ANKRD55: variants seen among roughly 807,000 people sequenced by gnomAD.
The protein encoded by ANKRD55 is ankyrin repeat domain 55, also known as ankyrin repeat domain-containing protein 55.
In ANKRD55, 41 loss-of-function variants were observed where a neutral mutation model predicts 60.6. The ratio of observed to expected loss-of-function variants is 0.68; its 90% CI spans 0.53 to 0.88. ANKRD55 has a LOEUF of 0.88. ANKRD55 is among the 40% of genes least tolerant of loss of function. ANKRD55 has a pLI of 0.00. For synonymous variants in ANKRD55, 264 were observed against 290.3 expected (o/e 0.91, Z 0.92); for missense variants, 732 against 767.6 (o/e 0.95, Z 0.55).
At chr5:56,181,139 G>A (rs1470102326) in intron 3 of ANKRD55, among the ~76,000 whole-genome samples, 2 of 152,200 alleles carry the variant, frequency 1.3e-5, no homozygotes, top group Non-Finnish European at 2.9e-5. Flanking sequence ...GGAGGTTGCA[G>A]TGAGCCAAGA....
At chr5:56,186,652 A>G (rs1175696808) in intron 2 of ANKRD55, among the ~76,000 whole-genome samples, 1 of 152,224 alleles carries the variant, frequency 6.6e-6, no homozygotes, top group Non-Finnish European at 1.5e-5. Flanking sequence ...GTGCGTTTAG[A>G]AAGCATTAGA....
chr5:56,174,891 A>G (rs1758705381), intron 4 of ANKRD55, among the ~76,000 whole-genome samples: 2 of 151,744 alleles, frequency 1.3e-5, no homozygotes, highest in South Asian at 2.1e-4. Context: ...GACTCCCCCA[A>G]CACCAACTAC....
chr5:56,128,161 G>A (rs1438982606), intron 7 of ANKRD55, among the ~76,000 whole-genome samples: 1 of 152,152 alleles, frequency 6.6e-6, no homozygotes, highest in Non-Finnish European at 1.5e-5. Flanking sequence ...AAGGAAAATA[G>A]AAGCAAAAAG....
intron 2 of ANKRD55, among the ~76,000 whole-genome samples, chr5:56,200,223 G>C (rs1759332863): frequency 6.6e-6 from 1 of 151,916 alleles, no homozygotes; most frequent in Non-Finnish European, 1.5e-5. Flanking sequence ...CTATAACTAA[G>C]AAAGCAAGTC....
intron 7 of ANKRD55, among the ~76,000 whole-genome samples, chr5:56,132,950 A>T (rs921914977): frequency 6.6e-6 from 1 of 152,238 alleles, no homozygotes; most frequent in African/African-American, 2.4e-5. Context: ...AATGATAAAG[A>T]GGTCAGTTCT....
In ANKRD55 at chr5:56,148,293, G is replaced by A. The variant is rs78213348; in HGVS notation, c.484-4364C>T. 7.6e-3 allele frequency among the ~76,000 whole-genome samples: 1,164 copies of A among 152,284 alleles called. 7 individuals carry two copies. Among genetic ancestry groups the A allele is most frequent in the Admixed American group, 0.012 (177 of 15,282 alleles). The stretch of plus-strand genomic sequence containing the variant: ...AACTGAGCCTTCGAAGCATCTAGGA[G>A]CTGACAATCTAGCAGTCACTATCAG... On this transcript the variant is annotated intron_variant, in intron 6 of 11. Transcript: ENST00000341048.
At chr5:56,128,261 C>A (rs1757327219) in intron 7 of ANKRD55, among the ~76,000 whole-genome samples, 3 of 152,106 alleles carry the variant, frequency 2.0e-5, no homozygotes, top group Admixed American at 6.6e-5. Context: ...GCCAAAACAC[C>A]CTGTTCATAG....
At chr5:56,192,890 T>G (rs1179851827) in intron 2 of ANKRD55, 1 of 639,356 alleles carries the variant, frequency 1.6e-6, no homozygotes, top group Non-Finnish European at 2.8e-6. Flanking sequence ...GGCCCAGCGT[T>G]GTCTAAAAGT....
intron 2 of ANKRD55, among the ~76,000 whole-genome samples, chr5:56,200,675 T>C (rs1307996489): frequency 1.3e-5 from 2 of 152,180 alleles, no homozygotes; most frequent in Non-Finnish European, 2.9e-5. Context: ...TTGTTGAAAT[T>C]ACCCAGAAGT....
chr5:56,158,969 C>T (rs1051750618), intron 6 of ANKRD55, among the ~76,000 whole-genome samples: 2 of 152,168 alleles, frequency 1.3e-5, no homozygotes, highest in Non-Finnish European at 2.9e-5. Flanking sequence ...ACTGGGATTA[C>T]AGGCATGAGC....
intron 8 of ANKRD55, among the ~76,000 whole-genome samples, chr5:56,122,999 C>G (rs1331504303): frequency 6.6e-6 from 1 of 152,046 alleles, no homozygotes; most frequent in Non-Finnish European, 1.5e-5. Flanking sequence ...CTCCTGGGCT[C>G]AAGGGATTCA....
chr5:56,139,904 T>C (rs1382965764), intron 7 of ANKRD55, among the ~76,000 whole-genome samples: 2 of 152,042 alleles, frequency 1.3e-5, no homozygotes, highest in African/African-American at 4.8e-5. Flanking sequence ...AGACTTTGTC[T>C]CTACTTTAAA....
intron 7 of ANKRD55, among the ~76,000 whole-genome samples, chr5:56,143,522 C>T (rs1473242168): frequency 2.0e-5 from 3 of 152,158 alleles, no homozygotes; most frequent in Non-Finnish European, 4.4e-5. Context: ...TGAAGGTTTA[C>T]TCTGGGACAC....
intron 7 of ANKRD55, among the ~76,000 whole-genome samples, chr5:56,128,164 GC>G (rs1370348516): frequency 6.6e-6 from 1 of 152,114 alleles, no homozygotes; most frequent in Non-Finnish European, 1.5e-5. Flanking sequence ...GAAAATAGAA[GC>G]AAAAAGAGTG....
At chr5:56,202,201 C>T (rs1422013373) in intron 2 of ANKRD55, among the ~76,000 whole-genome samples, 1 of 151,820 alleles carries the variant, frequency 6.6e-6, no homozygotes, top group Admixed American at 6.6e-5. Context: ...AGATGCCGAG[C>T]TTAATATTTA....
chr5:56,100,703 A>G (rs768833874), intron 11 of ANKRD55, among the ~76,000 whole-genome samples: 1 of 152,218 alleles, frequency 6.6e-6, no homozygotes, highest in Non-Finnish European at 1.5e-5. Flanking sequence ...TAAGAAAAGC[A>G]CTGTGGGCCC....
intron 6 of ANKRD55, chr5:56,146,708 C>T (rs1052968584): frequency 1.3e-5 from 2 of 152,190 alleles, no homozygotes; most frequent in Admixed American, 6.5e-5. Context: ...TTAGCTGAAA[C>T]TTGTCAGGAT....
In ANKRD55 at chr5:56,135,211, T is replaced by TTTCCTTCCTTCCTTCCTTCCTTCC. The variant is rs201467096; in HGVS notation, c.613-8129_613-8106dup. Among the ~76,000 whole-genome samples, 194 of 118,448 alleles carry TTTCCTTCCTTCCTTCCTTCCTTCC rather than the reference T, an allele frequency of 1.6e-3. 1 individual carries two copies. Among genetic ancestry groups the TTTCCTTCCTTCCTTCCTTCCTTCC allele is most frequent in the East Asian group, 3.4e-3 (13 of 3,826 alleles). The allele number at this position is 118,448 out of a possible 152,430, so 77.7% of individuals were successfully genotyped here. On this transcript the variant is annotated intron_variant, in intron 7 of 11. Transcript: ENST00000341048. ...GAAGAAGGTAAAAATGTCTCACAAC[T>TTTCCTTCCTTCCTTCCTTCCTTCC]TTCCTTCCTTCCTTCCTTCCTTCCT...
At chr5:56,220,316 G>A (rs551963988) in intron 2 of ANKRD55, among the ~76,000 whole-genome samples, 2 of 152,322 alleles carry the variant, frequency 1.3e-5, no homozygotes, top group South Asian at 4.1e-4. Flanking sequence ...ATAAAGGGTG[G>A]AAGGAAAGGG....
Sources: allele counts gnomAD v4.1 joint callset (sites outside exome capture counted in the v4.1 genomes callset), GRCh38; gene constraint gnomAD v4.1.1; transcripts MANE v1.5; gene names NCBI Gene and HGNC (gene_info 2026-07-23, HGNC 2026-07-21).